Variants in PDGFC observed in about 807,000 individuals in gnomAD.
The protein encoded by PDGFC is platelet-derived growth factor C.
PDGFC carries 12 observed loss-of-function variants against 35.5 expected under a neutral mutation model. That is an observed-to-expected ratio of 0.34 (90% confidence interval 0.22 to 0.55). The LOEUF (loss-of-function observed/expected upper bound fraction) is 0.55, where lower values mean the gene tolerates loss of function less well. PDGFC is among the 20% of genes least tolerant of loss of function. The probability of loss-of-function intolerance (pLI) is 0.91; values close to 1 mark genes in which losing one functional copy is unlikely to be tolerated. For synonymous variants in PDGFC, 159 were observed against 148.8 expected (o/e 1.07, Z -0.50); for missense variants, 322 against 412.4 (o/e 0.78, Z 1.90).
intron 2 of PDGFC, among the ~76,000 whole-genome samples, chr4:156,849,527 C>T (rs1292876855): frequency 6.6e-6 from 1 of 151,844 alleles, no homozygotes; most frequent in African/African-American, 2.4e-5. Flanking sequence ...GTAAGACCAC[C>T]CAACCTTGAC....
At chr4:156,781,363 A>T (rs1382253691) in intron 3 of PDGFC, among the ~76,000 whole-genome samples, 1 of 152,200 alleles carries the variant, frequency 6.6e-6, no homozygotes, top group African/African-American at 2.4e-5. Flanking sequence ...TGTTGTCTGA[A>T]TTAAATAACA....
At chr4:156,856,955 A>G (rs1242782034) in intron 1 of PDGFC, among the ~76,000 whole-genome samples, 1 of 152,012 alleles carries the variant, frequency 6.6e-6, no homozygotes, top group African/African-American at 2.4e-5. Flanking sequence ...AATAGAACAC[A>G]TTTTATAATG....
chr4:156,817,722 T>G (rs1250276901), intron 2 of PDGFC, among the ~76,000 whole-genome samples: 2 of 152,086 alleles, frequency 1.3e-5, no homozygotes, highest in Non-Finnish European at 2.9e-5. Context: ...ATGAACAATT[T>G]TTAATTTGAC....
At chr4:156,796,466 C>T (rs977007156) in intron 3 of PDGFC, among the ~76,000 whole-genome samples, 6 of 145,268 alleles carry the variant, frequency 4.1e-5, no homozygotes, top group East Asian at 2.0e-4. Context: ...GAAAATTAGG[C>T]GGACAGTATA....
chr4:156,762,982 C>T lies in PDGFC; in HGVS notation c.*108G>A, dbSNP rs1273638602. ...CTGTAAATCCTGAAGATGAAAGGTC[C>T]TTGAAGCAAACAACTGAGATTAAGG... On this transcript the variant is annotated 3_prime_UTR_variant, in exon 6 of 6. Transcript: ENST00000502773. 4.5e-6 allele frequency: 3 copies of T among 668,606 alleles called. No individual in the cohort carries two copies. The highest frequency in any genetic ancestry group is 5.1e-5 in the East Asian group (2 of 39,076). The allele number at this position is 668,606 out of a possible 1,614,324, so 41.4% of individuals were successfully genotyped here.
At chr4:156,788,945 A>G (rs144143532) in intron 3 of PDGFC, among the ~76,000 whole-genome samples, 4 of 152,282 alleles carry the variant, frequency 2.6e-5, no homozygotes, top group Non-Finnish European at 5.9e-5. Flanking sequence ...TGCTACTGCT[A>G]TTCATAATTT....
At chr4:156,957,090 T>C (rs1195773836) in intron 1 of PDGFC, among the ~76,000 whole-genome samples, 4 of 152,026 alleles carry the variant, frequency 2.6e-5, no homozygotes, top group African/African-American at 9.7e-5. Context: ...ATAAGCTCAG[T>C]TCTTATTGTG....
intron 1 of PDGFC, among the ~76,000 whole-genome samples, chr4:156,882,337 T>C (rs2111173427): frequency 6.6e-6 from 1 of 152,252 alleles, no homozygotes; most frequent in Admixed American, 6.5e-5. Context: ...GACTTAAAAA[T>C]CTTAAGACAA....
chr4:156,849,654 T>C (rs1265430607), intron 2 of PDGFC, among the ~76,000 whole-genome samples: 1 of 152,124 alleles, frequency 6.6e-6, no homozygotes, highest in African/African-American at 2.4e-5. Flanking sequence ...AGGATAATTA[T>C]GACGAATTCC....
chr4:156,767,609 A>T (rs1730574186), intron 5 of PDGFC, among the ~76,000 whole-genome samples, 164 bp downstream of exon 5: 1 of 152,140 alleles, frequency 6.6e-6, no homozygotes, highest in African/African-American at 2.4e-5. Context: ...TTTTAATTAA[A>T]GGTGCTAATT....
At chr4:156,813,254 C>A (rs1305070806) in intron 2 of PDGFC, among the ~76,000 whole-genome samples, 1 of 151,984 alleles carries the variant, frequency 6.6e-6, no homozygotes, top group Non-Finnish European at 1.5e-5. Flanking sequence ...GGGAGGTGAG[C>A]CTGTGTGATG....
chr4:156,850,763 G>C (rs1273709654), intron 1 of PDGFC, among the ~76,000 whole-genome samples: 1 of 151,814 alleles, frequency 6.6e-6, no homozygotes, highest in Non-Finnish European at 1.5e-5. Flanking sequence ...AGACATTTTA[G>C]AATAAAAATA....
chr4:156,917,835 A>C (rs2110829277), intron 1 of PDGFC, among the ~76,000 whole-genome samples: 1 of 152,352 alleles, frequency 6.6e-6, no homozygotes, highest in African/African-American at 2.4e-5. Flanking sequence ...AACTATAAAT[A>C]ATAATCTTTT....
At chr4:156,951,846 A>T (rs960304346) in intron 1 of PDGFC, among the ~76,000 whole-genome samples, 4 of 151,756 alleles carry the variant, frequency 2.6e-5, no homozygotes, top group Non-Finnish European at 5.9e-5. Context: ...TATGCTCCAC[A>T]TACACAAACT....
intron 1 of PDGFC, among the ~76,000 whole-genome samples, chr4:156,959,053 G>T (rs916263708): frequency 3.3e-5 from 5 of 151,936 alleles, no homozygotes; most frequent in Admixed American, 1.3e-4. Context: ...GAGCCCAGAA[G>T]GAAAATTTCT....
intron 1 of PDGFC, among the ~76,000 whole-genome samples, chr4:156,892,579 A>T (rs1485467309): frequency 6.6e-6 from 1 of 152,232 alleles, no homozygotes; most frequent in African/African-American, 2.4e-5. Flanking sequence ...CAAAAAAAGG[A>T]TATAAAAATC....
chr4:156,778,103 CAAAAAATAAAAAATA>C (rs1261218025), intron 3 of PDGFC: 13 of 227,526 alleles, frequency 5.7e-5, no homozygotes, highest in South Asian at 1.7e-4. Context: ...GACTCTGCCT[CAAAAAATAAAAAATA>C]AAAAAATAAA....
intron 1 of PDGFC, among the ~76,000 whole-genome samples, chr4:156,949,352 A>C (rs949917368): frequency 6.6e-6 from 1 of 151,802 alleles, no homozygotes; most frequent in African/African-American, 2.4e-5. Context: ...AAAAAGTCTA[A>C]TGTGTACTTT....
At chr4:156,875,694 G>A (rs1730098684) in intron 1 of PDGFC, among the ~76,000 whole-genome samples, 1 of 152,178 alleles carries the variant, frequency 6.6e-6, no homozygotes, top group African/African-American at 2.4e-5. Flanking sequence ...GAGGTGGGCA[G>A]ATCACTTGAG....
Sources: gnomAD v4.1 joint callset for allele counts (sites outside exome capture counted in the v4.1 genomes callset) on GRCh38, gnomAD v4.1.1 for gene constraint, MANE v1.5 for transcripts, NCBI Gene and HGNC (gene_info 2026-07-23, HGNC 2026-07-21) for gene names.